Variants in KCP observed in about 807,000 individuals in gnomAD.
KCP encodes the protein kielin cysteine rich BMP regulator.
A neutral mutation model predicts 212.7 loss-of-function variants in KCP; 194 were observed. The observed-to-expected ratio is 0.91, with a 90% CI of 0.81 to 1.03. The LOEUF is 1.03. KCP is among the 50% of genes least tolerant of loss of function. The pLI, the probability that KCP is intolerant of heterozygous loss-of-function variation, is 0.00. For synonymous variants in KCP, 833 were observed against 865.3 expected, an observed-to-expected ratio of 0.96 and a Z score of 0.65; for missense variants, 2,080 against 2,162.5, an observed-to-expected ratio of 0.96 and a Z score of 0.76.
At chr7:128,906,187 G>A (rs1241766323) in intron 5 of KCP, 92 bp downstream of exon 5, 7 of 1,087,422 alleles carry the variant, frequency 6.4e-6, no homozygotes, top group Non-Finnish European at 9.6e-6. Flanking sequence ...AGGCACCCCT[G>A]GGCATGTCCC....
intron 14 of KCP, 29 bp from the exon 15 acceptor site, chr7:128,892,823 C>T (rs1794250015): frequency 6.4e-7 from 1 of 1,551,264 alleles, no homozygotes; most frequent in South Asian, 1.2e-5. Context: ...TCAGGGTGAG[C>T]TGGGTAATGC....
intron 8 of KCP, among the ~76,000 whole-genome samples, chr7:128,898,063 CTT>C (rs1179345535): frequency 6.9e-6 from 1 of 145,844 alleles, no homozygotes; most frequent in Admixed American, 6.9e-5. Flanking sequence ...CTATTTTTTT[CTT>C]TTTTTTTTTG....
At position 128,908,270 on chromosome 7, in the gene KCP, G is replaced by GAAAGAAA. The variant is rs1256509871; in HGVS notation, c.219+149_219+155dup. On this transcript the variant is annotated intron_variant, in intron 2 of 39. Transcript: ENST00000610776. ...AAGAAAGAAGAAAGAAAGAAAGAAA[G>GAAAGAAA]AAAGAAAGAAAGAAAGAAAGAAAGA... Among the ~76,000 whole-genome samples the GAAAGAAA allele has an allele frequency of 3.7e-4, 55 of 149,430 alleles. 2 individuals carry two copies. The highest frequency in any genetic ancestry group is 1.3e-3 in the African/African-American group (53 of 40,678).
chr7:128,891,069 C>A lies in KCP; in HGVS notation c.2000G>T (p.Arg667Leu). 1 of 1,413,288 alleles carries A rather than the reference C, an allele frequency of 7.1e-7. No homozygotes were observed. The highest frequency in any genetic ancestry group is 1.5e-5 in the South Asian group (1 of 64,884). 87.5% of individuals were successfully genotyped at this position (1,413,288 alleles called of 1,614,324 possible). ...GTGGCGGGCGTGGGCCGCGCCGGGC[C>A]GTGGGCAGCCGGCGGGGGCTGGGGC... ...PAAPAPAGCP[R>L]PGAAHARHQE... Residue 667 changes from arginine (R) to leucine (L), a missense_variant, in exon 20 of 40, where the codon CGG (arginine) becomes CTG (leucine). By Grantham distance (102) the Arg-to-Leu change is moderately radical (BLOSUM62 -2). Transcript: ENST00000610776.
chr7:128,891,211 GGCA>G lies in KCP; in HGVS notation c.1943_1945del (p.Leu648del). ...TGGGCACTGCGGGCAGCACTCTCCC[GGCA>G]GCAGGACAGGCTCTGGACAGGGCAG... On this transcript the variant is annotated inframe_deletion, in exon 19 of 40. Coordinates refer to ENST00000610776, the MANE Select transcript of KCP (RefSeq NM_001366122.1). 1.3e-6 allele frequency: 2 copies of G among 1,544,984 alleles called. No individual in the cohort carries two copies. Among genetic ancestry groups the G allele is most frequent in the Non-Finnish European group, 1.7e-6 (2 of 1,146,568 alleles).
chr7:128,909,077 A>G (rs936123751), intron 1 of KCP, among the ~76,000 whole-genome samples: 1 of 152,332 alleles, frequency 6.6e-6, no homozygotes, highest in Non-Finnish European at 1.5e-5. Flanking sequence ...CAGTGAAGAC[A>G]GCCTGTCCCT....
At chr7:128,892,836 G>A in intron 14 of KCP, 33 bp downstream of exon 14, 1 of 1,551,322 alleles carries the variant, frequency 6.4e-7, no homozygotes, top group Non-Finnish European at 8.7e-7. Context: ...GGTAATGCAG[G>A]GGAAGAAAGC....
At position 128,910,660 on chromosome 7, in the gene KCP, GC is replaced by G. The variant is rs1277959731; in HGVS notation, c.16del (p.Ala6ProfsTer62). 1.3e-6 allele frequency: 2 copies of G among 1,508,064 alleles called. No homozygotes were observed. Among genetic ancestry groups the G allele is most frequent in the African/African-American group, 1.4e-5 (1 of 69,452 alleles). The allele number at this position is 1,508,064 out of a possible 1,614,324, so 93.4% of individuals were successfully genotyped here. On this transcript the variant is annotated frameshift_variant, in exon 1 of 40. Coordinates refer to ENST00000610776, the MANE Select transcript of KCP (RefSeq NM_001366122.1). LOFTEE classifies it high-confidence loss of function. ...GTGCAGGAGAAGGGACAGCGCAGCG[GC>G]CCCGACCCCGGCCATGCTAGCTCCG... Reference protein sequence around the residue: MAGVGAAALSLLLHLG... With the variant: MAGVGXAALSLLLHLG...
At chr7:128,888,246 TCACA>T (rs759484149) in intron 22 of KCP, among the ~76,000 whole-genome samples, 1 of 88,948 alleles carries the variant, frequency 1.1e-5, no homozygotes, top group Admixed American at 1.1e-4. Flanking sequence ...ACACATACGG[TCACA>T]CACACACGTA....
At chr7:128,877,849 C>T (rs564991623) in intron 38 of KCP, 59 bp from the exon 39 acceptor site, 34 of 1,451,888 alleles carry the variant, frequency 2.3e-5, no homozygotes, top group East Asian at 1.7e-4. Flanking sequence ...CTCTGCATGC[C>T]GTGCTCTTCA....
chr7:128,888,667 G>A (rs1351440886), intron 22 of KCP, among the ~76,000 whole-genome samples, 196 bp downstream of exon 22: 1 of 151,348 alleles, frequency 6.6e-6, no homozygotes, highest in African/African-American at 2.4e-5. Context: ...CACACACAGA[G>A]CCACACATAC....
Position 128,892,518 on chromosome 7 carries a change from G to A in KCP, c.1617C>T (p.Cys539=). The stretch of plus-strand genomic sequence containing the variant: ...GCCCAGTGAGTGCCCACATACCTGG[G>A]CACCTGGGGCAACACTGGCCTGGTC... ...QSGPGQCCPR[C]PDCILEEEVF... The change falls in exon 16 of 40, where the codon TGC becomes TGT. Residue 539 remains cysteine (C), a synonymous_variant. Coordinates refer to ENST00000610776, the MANE Select transcript of KCP (RefSeq NM_001366122.1). 1 of 1,525,054 alleles carries A rather than the reference G, an allele frequency of 6.6e-7. No individual in the cohort carries two copies. The highest frequency in any genetic ancestry group is 8.8e-7 in the Non-Finnish European group (1 of 1,131,116). 94.5% of individuals were successfully genotyped at this position (1,525,054 alleles called of 1,614,324 possible). A position where few individuals can be genotyped will look rare whatever the true frequency, so the allele number is the denominator to read the frequency against.
intron 8 of KCP, among the ~76,000 whole-genome samples, chr7:128,896,743 T>C (rs1457578315): frequency 6.6e-6 from 1 of 151,590 alleles, no homozygotes; most frequent in Non-Finnish European, 1.5e-5. Flanking sequence ...ATACAAAAAT[T>C]AGCTGGGCGT....
intron 8 of KCP, among the ~76,000 whole-genome samples, chr7:128,899,827 A>G (rs561771246): frequency 6.6e-6 from 1 of 152,230 alleles, no homozygotes; most frequent in Non-Finnish European, 1.5e-5. Flanking sequence ...CTGGAATGGC[A>G]TACCTTAAGG....
intron 4 of KCP, 131 bp from the exon 5 acceptor site, chr7:128,906,494 G>A: frequency 1.4e-6 from 1 of 703,482 alleles, no homozygotes; most frequent in Non-Finnish European, 2.6e-6. Flanking sequence ...GTGGATGTGG[G>A]CTACCCTCTG....
Position 128,879,397 on chromosome 7 carries a change from C to T in KCP, c.4146+125G>A, listed in dbSNP as rs896776916. 2.4e-5 allele frequency: 18 copies of T among 742,784 alleles called. No homozygotes were observed. In the South Asian group the frequency reaches 2.8e-4, roughly 11 times the overall value. 46.0% of individuals were successfully genotyped at this position (742,784 alleles called of 1,614,324 possible). A position where few individuals can be genotyped will look rare whatever the true frequency, so the allele number is the denominator to read the frequency against. On this transcript the variant is annotated intron_variant, in intron 37 of 39. Coordinates refer to ENST00000610776, the MANE Select transcript of KCP (RefSeq NM_001366122.1). ...ATCCACCTCCCCTCACACCCCTGTA[C>T]CCCACTCCTTGCCTTTTTTGGCTAG... is the stretch of plus-strand genomic sequence containing the variant.
chr7:128,887,912 C>CA (rs1793782949), intron 22 of KCP, among the ~76,000 whole-genome samples: 1 of 150,362 alleles, frequency 6.7e-6, no homozygotes, highest in African/African-American at 2.5e-5. Context: ...TACACATACA[C>CA]ACCCACACAC....
chr7:128,893,100 C>T, intron 13 of KCP, 79 bp from the exon 14 acceptor site: 1 of 1,011,650 alleles, frequency 9.9e-7, no homozygotes, highest in Non-Finnish European at 1.5e-6. Flanking sequence ...AGGGACCCCA[C>T]CTTCGCCATC....
chr7:128,887,135 TGGA>T (rs1404134857), intron 23 of KCP, 77 bp downstream of exon 23: 3 of 1,284,562 alleles, frequency 2.3e-6, no homozygotes, highest in Non-Finnish European at 3.3e-6. Context: ...GCCACCTGAG[TGGA>T]GGAGACAGCC....
Sources: gnomAD v4.1 joint callset for allele counts (sites outside exome capture counted in the v4.1 genomes callset) on GRCh38, gnomAD v4.1.1 for gene constraint, MANE v1.5 for transcripts, NCBI Gene and HGNC (gene_info 2026-07-23, HGNC 2026-07-21) for gene names.